BIRC6: variants seen among roughly 807,000 people sequenced by gnomAD.
BIRC6 encodes baculoviral IAP repeat containing 6, also known as dual E2 ubiquitin-conjugating enzyme/E3 ubiquitin-protein ligase BIRC6.
Under a neutral mutation model 503.3 loss-of-function variants are expected in BIRC6, and 98 were observed. The ratio of observed to expected loss-of-function variants is 0.19; its 90% CI spans 0.17 to 0.23. The LOEUF is 0.23. BIRC6 is among the 10% of genes least tolerant of loss of function. BIRC6 has a pLI of 1.00. For missense variants in BIRC6, 5,360 were observed against 5,806.0 expected (o/e 0.92, Z 2.50); for synonymous variants, 2,240 against 2,078.7 (o/e 1.08, Z -2.11).
intron 64 of BIRC6, 132 bp downstream of exon 64, chr2:32,548,146 T>A: frequency 1.4e-6 from 1 of 699,860 alleles, no homozygotes; most frequent in Non-Finnish European, 2.2e-6. Flanking sequence ...TCCCAGTGCA[T>A]TCTAAGATAC....
At chr2:32,483,861 A>T (rs976579475) in intron 39 of BIRC6, among the ~76,000 whole-genome samples, 1 of 152,158 alleles carries the variant, frequency 6.6e-6, no homozygotes, top group Non-Finnish European at 1.5e-5. Flanking sequence ...CTCTCTCATT[A>T]TTGGTGATGT....
chr2:32,578,133 A>C (rs929357156), intron 66 of BIRC6, among the ~76,000 whole-genome samples: 1 of 152,214 alleles, frequency 6.6e-6, no homozygotes, highest in Non-Finnish European at 1.5e-5. Flanking sequence ...GGTAAAGACT[A>C]ATAATGTTAC....
At chr2:32,514,387 G>C (rs1192874724) in intron 54 of BIRC6, among the ~76,000 whole-genome samples, 1 of 152,184 alleles carries the variant, frequency 6.6e-6, no homozygotes, top group East Asian at 1.9e-4. Context: ...CTTTTGACAA[G>C]TAGTTTTTAT....
chr2:32,469,519 A>G lies in BIRC6; in HGVS notation c.6252A>G (p.Gln2084=), dbSNP rs147408011. The part of the protein sequence containing the change: ...IRLHTGLLLV[Q]LCGGERWWGQ... ...TACATACTGGTCTTCTTCTTGTTCA[A>G]CTGTGTGGTGGTGAAAGGTGGTGGG... Residue 2084 remains glutamine (Q), a synonymous_variant, in exon 30 of 74, where the codon CAA becomes CAG. Transcript: ENST00000421745. The G allele has an allele frequency of 2.2e-3, 3,500 of 1,613,854 alleles. 19 individuals carry two copies. The highest frequency in any genetic ancestry group is 1.9e-3 in the Non-Finnish European group (2,264 of 1,179,816).
intron 38 of BIRC6, 103 bp downstream of exon 38, chr2:32,481,556 A>G: frequency 1.1e-5 from 10 of 928,340 alleles, no homozygotes; most frequent in South Asian, 4.6e-5. Flanking sequence ...CACAAGGTCA[A>G]GAGATCAAGA....
intron 45 of BIRC6, among the ~76,000 whole-genome samples, chr2:32,494,989 C>T (rs2149379698): frequency 1.3e-5 from 2 of 152,224 alleles, no homozygotes; most frequent in East Asian, 3.9e-4. Context: ...TTCAAATAAA[C>T]AGTATTTATA....
chr2:32,510,345 C>T (rs911412849), intron 52 of BIRC6, among the ~76,000 whole-genome samples, 181 bp from the exon 53 acceptor site: 1 of 152,232 alleles, frequency 6.6e-6, no homozygotes, highest in South Asian at 2.1e-4. Context: ...TCCCAGAGTG[C>T]TGGGATTACA....
chr2:32,452,062 C>A (rs2046788921), intron 22 of BIRC6, among the ~76,000 whole-genome samples: 2 of 152,106 alleles, frequency 1.3e-5, no homozygotes, highest in Admixed American at 1.3e-4. Context: ...ATTTCAGATA[C>A]CACATTGTAA....
At chr2:32,510,488 T>G (rs565524791) in intron 52 of BIRC6, 38 bp from the exon 53 acceptor site, 2 of 1,259,710 alleles carry the variant, frequency 1.6e-6, no homozygotes, top group Non-Finnish European at 2.3e-6. Context: ...TTAACTTGCT[T>G]ATTTAGCAAA....
intron 10 of BIRC6, among the ~76,000 whole-genome samples, chr2:32,423,778 T>C (rs1202649317): frequency 2.0e-5 from 3 of 152,180 alleles, no homozygotes; most frequent in East Asian, 1.9e-4. Context: ...TTGATAATTA[T>C]TAAATTACTC....
intron 66 of BIRC6, among the ~76,000 whole-genome samples, chr2:32,582,953 G>C (rs1269795418): frequency 6.6e-6 from 1 of 151,954 alleles, no homozygotes; most frequent in Non-Finnish European, 1.5e-5. Flanking sequence ...CTGAAAAGTA[G>C]CCTCTGAATT....
In BIRC6 at chr2:32,515,316, C is replaced by T. The variant is rs1489031464; in HGVS notation, c.10895C>T (p.Pro3632Leu). Reference protein sequence around the residue: ...AIKQLLDSGLPSLLVRSLASF... With the variant: ...AIKQLLDSGLLSLLVRSLASF... Reference sequence around the variant, plus strand: ...AAACAATTACTAGACTCAGGTTTGCCTTCTCTTCTTGTGAGGAGTCTGGCT... The same window carrying T: ...AAACAATTACTAGACTCAGGTTTGCTTTCTCTTCTTGTGAGGAGTCTGGCT... Residue 3632 changes from proline (P) to leucine (L), a missense_variant, in exon 55 of 74, where the codon CCT (proline) becomes CTT (leucine). Transcript: ENST00000421745. 1.2e-6 allele frequency: 2 copies of T among 1,613,900 alleles called. No individual in the cohort carries two copies. Among genetic ancestry groups the T allele is most frequent in the Non-Finnish European group, 8.5e-7 (1 of 1,179,898 alleles).
At chr2:32,493,822 G>A (rs2052066601) in intron 45 of BIRC6, among the ~76,000 whole-genome samples, 155 bp downstream of exon 45, 1 of 152,146 alleles carries the variant, frequency 6.6e-6, no homozygotes, top group Non-Finnish European at 1.5e-5. Context: ...TGTGTTTCCT[G>A]ATTGTTTCCA....
chr2:32,580,402 T>C (rs1057131424), intron 66 of BIRC6, among the ~76,000 whole-genome samples: 1 of 152,142 alleles, frequency 6.6e-6, no homozygotes, highest in Non-Finnish European at 1.5e-5. Context: ...AAGGGATTGG[T>C]GTCCCAAGGG....
At chr2:32,497,999 G>T (rs1291025841) in intron 45 of BIRC6, among the ~76,000 whole-genome samples, 3 of 151,822 alleles carry the variant, frequency 2.0e-5, no homozygotes, top group African/African-American at 7.3e-5. Context: ...ATCTTTTTCT[G>T]TTGACTTTTG....
rs1339039097 is a variant in BIRC6, at chr2:32,357,785, C to A, written c.325+299C>A. Among the ~76,000 whole-genome samples, 1 of 152,098 alleles carries A rather than the reference C, an allele frequency of 6.6e-6. No individual in the cohort carries two copies. The highest frequency in any genetic ancestry group is 2.4e-5 in the African/African-American group (1 of 41,414). On this transcript the variant is annotated intron_variant, in intron 1 of 73. Transcript: ENST00000421745. This position sits in a 1 kb window ranked among gnomAD's most constrained non-coding sequence, Gnocchi z 4.9. ...CGCGAGAGGTGAGGAGACCTTGGAG[C>A]TTGGCACCGGAGGAAGCGAGGCCCG...
chr2:32,444,530 T>C (rs1167643431), intron 20 of BIRC6, among the ~76,000 whole-genome samples: 1 of 152,238 alleles, frequency 6.6e-6, no homozygotes, highest in African/African-American at 2.4e-5. Flanking sequence ...GCTACTAACT[T>C]GGCCTTTTAA....
chr2:32,582,875 A>G (rs905180741), intron 66 of BIRC6, among the ~76,000 whole-genome samples: 2 of 152,228 alleles, frequency 1.3e-5, no homozygotes, highest in Non-Finnish European at 2.9e-5. Context: ...AGTTTTCACT[A>G]TTATATATAG....
intron 47 of BIRC6, among the ~76,000 whole-genome samples, 164 bp downstream of exon 47, chr2:32,502,052 GT>G (rs1245506572): frequency 1.3e-5 from 2 of 152,136 alleles, no homozygotes; most frequent in Non-Finnish European, 2.9e-5. Flanking sequence ...GGAGAATAAA[GT>G]TTCTTTGAAG....
Sources: allele counts gnomAD v4.1 joint callset (sites outside exome capture counted in the v4.1 genomes callset), GRCh38; gene constraint gnomAD v4.1.1; non-coding constraint Gnocchi (gnomAD v3.1); transcripts MANE v1.5; gene names NCBI Gene and HGNC (gene_info 2026-07-23, HGNC 2026-07-21).